NHSL1: variants seen among roughly 807,000 people sequenced by gnomAD.
NHSL1 encodes the protein NHS like 1.
Under a neutral mutation model 95.0 loss-of-function variants are expected in NHSL1, and 48 were observed. The ratio of observed to expected loss-of-function variants is 0.51; its 90% CI spans 0.40 to 0.64. NHSL1 has a LOEUF of 0.64. NHSL1 is among the 30% of genes least tolerant of loss of function. NHSL1 has a pLI of 0.00. For synonymous variants in NHSL1, 783 were observed against 833.9 expected (o/e 0.94, Z 1.05); for missense variants, 1,971 against 2,077.7 (o/e 0.95, Z 1.00).
chr6:138,686,836 C>G (rs1785590704), intron 1 of NHSL1, among the ~76,000 whole-genome samples: 1 of 152,330 alleles, frequency 6.6e-6, no homozygotes, highest in East Asian at 1.9e-4. Context: ...ATACTGGAGA[C>G]TCTGGCTCAA....
intron 1 of NHSL1, among the ~76,000 whole-genome samples, chr6:138,553,713 G>A (rs964327822): frequency 2.0e-5 from 3 of 152,146 alleles, no homozygotes; most frequent in East Asian, 3.9e-4. Context: ...TACACATGAC[G>A]GTATTAAAAC....
intron 3 of NHSL1, among the ~76,000 whole-genome samples, chr6:138,451,295 G>A (rs766478513): frequency 2.0e-5 from 3 of 152,048 alleles, no homozygotes; most frequent in Admixed American, 6.5e-5. Flanking sequence ...TGCTCCTCCC[G>A]TAGACATCCA....
chr6:138,566,305 G>A (rs1255432446), intron 1 of NHSL1, among the ~76,000 whole-genome samples: 1 of 151,986 alleles, frequency 6.6e-6, no homozygotes, highest in African/African-American at 2.4e-5. Flanking sequence ...GGCTGAGGCA[G>A]GAGAATAACT....
Position 138,424,647 on chromosome 6 carries a change from A to G in NHSL1, c.4255T>C (p.Phe1419Leu). The G allele has an allele frequency of 1.3e-6, 2 of 1,551,328 alleles. No homozygotes were observed. The highest frequency in any genetic ancestry group is 1.7e-6 in the Non-Finnish European group (2 of 1,146,952). ...CCCTTTTTCAGCAGCAGAGCTTTGAAGTTGTCACTGCTGGTGCTGCTCTTT... is the reference window on the plus strand; with the variant it reads ...CCCTTTTTCAGCAGCAGAGCTTTGAGGTTGTCACTGCTGGTGCTGCTCTTT... ...IRKSSTSSDNFKALLLKKGSR... is the reference protein window; with the variant it reads ...IRKSSTSSDNLKALLLKKGSR... Residue 1419 changes from phenylalanine (F) to leucine (L), a missense_variant, in exon 8 of 8, where the codon TTC becomes CTC. This residue lies in a region of NHSL1 where 146 missense variants were observed against 206.3 expected (regional missense o/e 0.71). Transcript: ENST00000343505. This position sits in a 1 kb window ranked among gnomAD's most constrained non-coding sequence, Gnocchi z 5.9.
chr6:138,614,782 G>A lies in NHSL1; in HGVS notation c.96+77694C>T, dbSNP rs117871838. ...GAGCTCCACCTCCTGTCGGATCAGC[G>A]GCGGCATCAGATTCTCATAGAAGCA... is the stretch of plus-strand genomic sequence containing the variant. On this transcript the variant is annotated intron_variant, in intron 1 of 3. Transcript: ENST00000491526. Among the ~76,000 whole-genome samples the A allele has an allele frequency of 8.3e-3, 1,268 of 152,252 alleles. 34 individuals are homozygous for A. The highest frequency in any genetic ancestry group is 0.039 in the East Asian group (200 of 5,182).
At chr6:138,586,293 C>T (rs1784134896) in intron 1 of NHSL1, among the ~76,000 whole-genome samples, 2 of 152,064 alleles carry the variant, frequency 1.3e-5, no homozygotes, top group Admixed American at 1.3e-4. Flanking sequence ...CAGGGTTTCA[C>T]CATGTTGACC....
At chr6:138,508,674 C>T (rs9484170) in intron 1 of NHSL1, among the ~76,000 whole-genome samples, 3 of 152,128 alleles carry the variant, frequency 2.0e-5, no homozygotes, top group Non-Finnish European at 2.9e-5. Context: ...TAATCTGCCT[C>T]GGATGCTTGA....
At chr6:138,494,571 A>G (rs995645681) in intron 2 of NHSL1, among the ~76,000 whole-genome samples, 1 of 152,192 alleles carries the variant, frequency 6.6e-6, no homozygotes, top group African/African-American at 2.4e-5. Context: ...CAGTCATCAT[A>G]GTGGTGGTAC....
At chr6:138,617,782 AGTCCCATGGAACGATGTGT>A (rs1784600793) in intron 1 of NHSL1, among the ~76,000 whole-genome samples, 5 of 152,242 alleles carry the variant, frequency 3.3e-5, no homozygotes. Flanking sequence ...GGACAGGCTG[AGTCCCATGGAACGATGTGT>A]GTCCCTCTCC....
intron 1 of NHSL1, among the ~76,000 whole-genome samples, chr6:138,649,536 C>T (rs766275153): frequency 2.0e-5 from 3 of 151,694 alleles, no homozygotes; most frequent in East Asian, 1.9e-4. Context: ...GGACTAGAGA[C>T]GCTGATCTGC....
intron 3 of NHSL1, among the ~76,000 whole-genome samples, chr6:138,453,021 A>G (rs2128225905): frequency 6.6e-6 from 1 of 152,248 alleles, no homozygotes; most frequent in South Asian, 2.1e-4. Context: ...CCCAGGCTAG[A>G]GTGCAGTGTA....
intron 1 of NHSL1, among the ~76,000 whole-genome samples, chr6:138,604,664 C>T (rs376908902): frequency 9.8e-5 from 15 of 152,318 alleles, no homozygotes; most frequent in East Asian, 9.7e-4. Context: ...CTCACACTGT[C>T]GCCCAGGCTG....
chr6:138,647,967 C>T (rs1444930362), intron 1 of NHSL1, among the ~76,000 whole-genome samples: 1 of 152,144 alleles, frequency 6.6e-6, no homozygotes, highest in African/African-American at 2.4e-5. Context: ...TTCAAAGTCA[C>T]CACTACTTTT....
At chr6:138,662,458 G>GT (rs2114736445) in intron 1 of NHSL1, among the ~76,000 whole-genome samples, 1 of 152,300 alleles carries the variant, frequency 6.6e-6, no homozygotes, top group East Asian at 1.9e-4. Context: ...CTTTGTTTTA[G>GT]TTTGCAATTG....
At chr6:138,623,581 T>C (rs1460918949) in intron 1 of NHSL1, among the ~76,000 whole-genome samples, 1 of 152,210 alleles carries the variant, frequency 6.6e-6, no homozygotes, top group Non-Finnish European at 1.5e-5. Flanking sequence ...ACATTGTTAT[T>C]AACTATAGAC....
intron 5 of NHSL1, among the ~76,000 whole-genome samples, chr6:138,439,736 G>A (rs936092411): frequency 1.3e-5 from 2 of 152,110 alleles, no homozygotes; most frequent in African/African-American, 2.4e-5. Context: ...GTCATCGACC[G>A]TAATGATATT....
intron 1 of NHSL1, among the ~76,000 whole-genome samples, chr6:138,567,481 G>C (rs1783664283): frequency 6.6e-6 from 1 of 152,120 alleles, no homozygotes; most frequent in African/African-American, 2.4e-5. Flanking sequence ...ATCAGAAATA[G>C]ATCACAGCTA....
At chr6:138,627,264 C>A (rs1784752655) in intron 1 of NHSL1, among the ~76,000 whole-genome samples, 1 of 152,152 alleles carries the variant, frequency 6.6e-6, no homozygotes, top group Admixed American at 6.5e-5. Flanking sequence ...AATCAAGAAA[C>A]CACTGCTTTT....
At position 138,424,098 on chromosome 6, in the gene NHSL1, G is replaced by C. The variant is rs776951740; in HGVS notation, c.4804C>G (p.Leu1602Val). 1 of 1,392,670 alleles carries C rather than the reference G, an allele frequency of 7.2e-7. No individual in the cohort carries two copies. Among genetic ancestry groups the C allele is most frequent in the Non-Finnish European group, 9.3e-7 (1 of 1,074,798 alleles). The allele number at this position is 1,392,670 out of a possible 1,614,324, so 86.3% of individuals were successfully genotyped here. The change falls in exon 8 of 8, where the codon CTG becomes GTG. Residue 1602 changes from leucine (L) to valine (V), a missense_variant. This residue lies in a region of NHSL1 where 223 missense variants were observed against 217.0 expected (regional missense o/e 1.03). Coordinates refer to ENST00000343505, the MANE Select transcript of NHSL1 (RefSeq NM_001144060.2). This position sits in a 1 kb window ranked among gnomAD's most constrained non-coding sequence, Gnocchi z 5.9. ...REPSPQCGGSLSEES is the reference protein window; with the variant it reads ...REPSPQCGGSVSEES ...TCTTGGCCCTAACTCTCCTCGCTCA[G>C]AGAACCGCCACACTGTGGGGAGGGC... is the stretch of plus-strand genomic sequence containing the variant.
Sources: allele counts gnomAD v4.1 joint callset (sites outside exome capture counted in the v4.1 genomes callset), GRCh38; gene constraint gnomAD v4.1.1; regional missense constraint gnomAD v4.1.1; non-coding constraint Gnocchi (gnomAD v3.1); transcripts MANE v1.5; gene names NCBI Gene and HGNC (gene_info 2026-07-23, HGNC 2026-07-21).